ARMC2: variants seen among roughly 807,000 people sequenced by gnomAD.
ARMC2 encodes the protein armadillo repeat containing 2.
Under a neutral mutation model 90.3 loss-of-function variants are expected in ARMC2, and 67 were observed. That is an observed-to-expected ratio of 0.74 (90% CI 0.61 to 0.91). The LOEUF (loss-of-function observed/expected upper bound fraction) is 0.91, where lower values mean the gene tolerates loss of function less well. ARMC2 is among the 40% of genes least tolerant of loss of function. The pLI, the probability that ARMC2 is intolerant of heterozygous loss-of-function variation, is 0.00. For missense variants in ARMC2, 920 were observed against 1,030.9 expected, an observed-to-expected ratio of 0.89 and a Z score of 1.47; for synonymous variants, 393 against 393.0, an observed-to-expected ratio of 1.00 and a Z score of 0.00.
Position 108,973,511 on chromosome 6 carries a change from C to G in ARMC2, c.2601C>G (p.Phe867Leu). 1 of 1,610,288 alleles carries G rather than the reference C, an allele frequency of 6.2e-7. No homozygotes were observed. The highest frequency in any genetic ancestry group is 8.5e-7 in the Non-Finnish European group (1 of 1,177,746). ...TGGAACCCCTGCCCATTCCCTCTTT[C>G]TAACATGATGCAGATTAACAGTAGA... ...TFLEPLPIPS[F>L] Residue 867 changes from phenylalanine (F) to leucine (L), a missense_variant, in exon 18 of 18, where the codon TTC becomes TTG. Phe to Leu is a conservative substitution (Grantham distance 22). Transcript: ENST00000392644.
intron 1 of ARMC2, chr6:108,848,853 C>G (rs991567978): frequency 1.3e-5 from 2 of 152,254 alleles, no homozygotes; most frequent in African/African-American, 4.8e-5. Flanking sequence ...CCCAGGGACC[C>G]TTCCTGCCGT....
At chr6:108,867,805 A>G (rs1049420068) in intron 3 of ARMC2, among the ~76,000 whole-genome samples, 1 of 151,764 alleles carries the variant, frequency 6.6e-6, no homozygotes, top group African/African-American at 2.4e-5. Context: ...TGTGGTGGCA[A>G]GCTCCTTTAA....
chr6:108,913,575 A>G (rs1773648899), intron 10 of ARMC2, among the ~76,000 whole-genome samples: 1 of 152,230 alleles, frequency 6.6e-6, no homozygotes, highest in South Asian at 2.1e-4. Flanking sequence ...TTCTAATTAT[A>G]GAATAATTAT....
At chr6:109,009,459 A>G in the ARMC2 span, 1 of 1,305,650 alleles carries the variant, frequency 7.7e-7, no homozygotes, top group Non-Finnish European at 9.8e-7. Context: ...GGCCAAGCGC[A>G]TGTCGGCGCG....
chr6:108,874,712 C>T lies in ARMC2; in HGVS notation c.464-1431C>T, dbSNP rs554345919. On this transcript the variant is annotated intron_variant, in intron 4 of 17. Transcript: ENST00000392644. ...CATCCACATCACAGAGTGGGTGCCC[C>T]GGGGGGCCTGCACTCGAACCCAAGT... 4.1e-4 allele frequency among the ~76,000 whole-genome samples: 62 copies of T among 152,118 alleles called. 1 individual carries two copies. The highest frequency in any genetic ancestry group is 1.3e-3 in the African/African-American group (56 of 41,500).
At chr6:108,968,002 C>T (rs1778497778) in intron 17 of ARMC2, among the ~76,000 whole-genome samples, 1 of 152,162 alleles carries the variant, frequency 6.6e-6, no homozygotes, top group Non-Finnish European at 1.5e-5. Context: ...AGCAATCAGT[C>T]ATGAATTGTG....
chr6:108,936,455 T>C (rs1775969411), intron 11 of ARMC2, among the ~76,000 whole-genome samples: 1 of 152,012 alleles, frequency 6.6e-6, no homozygotes, highest in African/African-American at 2.4e-5. Context: ...GGGGTTTCAC[T>C]ATGTTGGCCA....
chr6:109,043,297 C>T, the ARMC2 span, among the ~76,000 whole-genome samples: 1 of 152,064 alleles, frequency 6.6e-6, no homozygotes, highest in African/African-American at 2.4e-5. Context: ...AGAATATTTA[C>T]TCTCACCACT....
chr6:108,998,861 G>T, the ARMC2 span: 1 of 1,310,980 alleles, frequency 7.6e-7, no homozygotes, highest in Non-Finnish European at 1.0e-6. Flanking sequence ...ATCATACAAA[G>T]CCTAGCATAA....
chr6:108,992,887 ACTT>A, the ARMC2 span: 2,355 of 1,609,194 alleles, frequency 1.5e-3, 29 homozygotes, highest in African/African-American at 0.029. Flanking sequence ...TGCTGGTGTA[ACTT>A]CTTCATCATC....
At position 108,868,970 on chromosome 6, in the gene ARMC2, G is replaced by T. The variant is rs755787855; in HGVS notation, c.438G>T (p.Pro146=). ...FRAASQRALL[P]DRSLPPSDSK... ...CTGCCTCCCAGCGGGCCCTTCTGCC[G>T]GACAGATCCCTTCCTCCCTCCGACT... The change falls in exon 4 of 18, where the codon CCG becomes CCT. Residue 146 remains proline, a synonymous_variant. Transcript: ENST00000392644. 40 of 1,613,178 alleles carry T rather than the reference G, an allele frequency of 2.5e-5. No homozygotes were observed. The highest frequency in any genetic ancestry group is 3.4e-5 in the Non-Finnish European group (40 of 1,179,548).
At chr6:108,954,990 A>G (rs140256613) in intron 13 of ARMC2, among the ~76,000 whole-genome samples, 2,029 of 152,130 alleles carry the variant, frequency 0.013, 47 homozygotes, top group African/African-American at 0.046. Flanking sequence ...TTGCCCTCTC[A>G]CTGGGTCCTC....
At chr6:108,915,300 TA>T (rs971865240) in intron 10 of ARMC2, among the ~76,000 whole-genome samples, 1 of 151,956 alleles carries the variant, frequency 6.6e-6, no homozygotes, top group African/African-American at 2.4e-5. Flanking sequence ...AAAAAATAAA[TA>T]AATTACTTGT....
chr6:108,876,501 C>T (rs1050845145), intron 5 of ARMC2, among the ~76,000 whole-genome samples, 151 bp downstream of exon 5: 1 of 152,278 alleles, frequency 6.6e-6, no homozygotes, highest in East Asian at 1.9e-4. Flanking sequence ...GACTACTTCT[C>T]ATGGCCAAAT....
intron 6 of ARMC2, among the ~76,000 whole-genome samples, chr6:108,898,482 G>T (rs1310248239): frequency 6.6e-6 from 1 of 152,250 alleles, no homozygotes; most frequent in Non-Finnish European, 1.5e-5. Flanking sequence ...CTTCAGAGAA[G>T]AGAGACTGAG....
intron 7 of ARMC2, among the ~76,000 whole-genome samples, chr6:108,903,297 A>G (rs1484394026): frequency 6.6e-6 from 1 of 152,050 alleles, no homozygotes; most frequent in Non-Finnish European, 1.5e-5. Flanking sequence ...TTTTGGAAGT[A>G]GGATCTTGCT....
chr6:109,017,898 G>T, the ARMC2 span, among the ~76,000 whole-genome samples: 2 of 152,218 alleles, frequency 1.3e-5, no homozygotes, highest in East Asian at 1.9e-4. Flanking sequence ...AGGCACAGTG[G>T]CTCAATGCCT....
In ARMC2 at chr6:108,965,020, C is replaced by T; in HGVS notation, c.2326C>T (p.Gln776Ter). The change falls in exon 17 of 18, where the codon CAG becomes TAG. Residue 776 changes from glutamine to a stop codon, truncating the protein, a stop_gained. Coordinates refer to ENST00000392644, the MANE Select transcript of ARMC2 (RefSeq NM_032131.6). LOFTEE classifies it high-confidence loss of function. Reference sequence around the variant, plus strand: ...AAGAGATTTGGGTCCTACTGATTGGCAGCTGGCCTGCTTGGTTTGTAAAAC... The same window carrying T: ...AAGAGATTTGGGTCCTACTGATTGGTAGCTGGCCTGCTTGGTTTGTAAAAC... ...CLRDLGPTDW[Q>*]LACLVCKTLW... 1 of 1,613,388 alleles carries T rather than the reference C, an allele frequency of 6.2e-7. No individual in the cohort carries two copies. Among genetic ancestry groups the T allele is most frequent in the Non-Finnish European group, 8.5e-7 (1 of 1,179,410 alleles).
chr6:108,899,921 T>C, intron 7 of ARMC2, 129 bp downstream of exon 7: 1 of 701,800 alleles, frequency 1.4e-6, no homozygotes. Context: ...GTGAACATGT[T>C]CAAAAACAAA....
Sources: allele counts gnomAD v4.1 joint callset (sites outside exome capture counted in the v4.1 genomes callset), GRCh38; gene constraint gnomAD v4.1.1; transcripts MANE v1.5; gene names NCBI Gene and HGNC (gene_info 2026-07-23, HGNC 2026-07-21).